The following FAP variants were observed in gnomAD, a reference collection of about 807,000 sequenced individuals.
FAP encodes the protein fibroblast activation protein alpha.
In FAP, 110 loss-of-function variants were observed where a neutral mutation model predicts 126.5. The observed-to-expected ratio is 0.87, with a 90% CI of 0.74 to 1.02. The LOEUF (loss-of-function observed/expected upper bound fraction) is 1.02. Among genes scored for constraint, FAP ranks in the 50% least tolerant of loss-of-function variants. The pLI, the probability that FAP is intolerant of heterozygous loss-of-function variation, is 0.00. For missense variants in FAP, 919 were observed against 909.2 expected, an observed-to-expected ratio of 1.01 and a Z score of -0.14; for synonymous variants, 334 against 297.3, an observed-to-expected ratio of 1.12 and a Z score of -1.27.
In FAP at chr2:162,213,968, C is replaced by T. The variant is rs751809640; in HGVS notation, c.972G>A (p.Arg324=). ...NVSVLSICDF[R]EDWQTWDCPK... ...GACAATCCCATGTCTGCCAGTCTTC[C>T]CTGAAGTCACATATAGACAGGACCG... The change falls in exon 11 of 26, where the codon AGG becomes AGA. Residue 324 remains arginine, a synonymous_variant. Coordinates refer to ENST00000188790, the MANE Select transcript of FAP (RefSeq NM_004460.5). 3.7e-6 allele frequency: 6 copies of T among 1,613,506 alleles called. No homozygotes were observed. In the African/African-American group the frequency reaches 4.0e-5, roughly 11 times the overall value.
In FAP at chr2:162,213,570, A is replaced by C. The variant is rs375529738; in HGVS notation, c.1002+368T>G. Among the ~76,000 whole-genome samples, 31 of 152,076 alleles carry C rather than the reference A, an allele frequency of 2.0e-4. No individual in the cohort carries two copies. The South Asian group carries it at 4.4e-3, about 21-fold the overall frequency. On this transcript the variant is annotated intron_variant, in intron 11 of 25. Coordinates refer to ENST00000188790, the MANE Select transcript of FAP (RefSeq NM_004460.5). ...TTGTTTAAAACATATATATTTATCT[A>C]GTAGACCCATGTTTCGGTTTCATCT...
At chr2:162,172,134 C>T (rs533425108) in intron 25 of FAP, 1 of 152,122 alleles carries the variant, frequency 6.6e-6, no homozygotes, top group East Asian at 1.9e-4. Context: ...TTTCGGGGTT[C>T]TTGTTCAACT....
chr2:162,236,379 ATTC>A (rs1690130117), intron 2 of FAP, among the ~76,000 whole-genome samples: 2 of 151,102 alleles, frequency 1.3e-5, no homozygotes, highest in East Asian at 1.9e-4. Flanking sequence ...ATTTGTGATA[ATTC>A]TTCTTTAAGT....
At chr2:162,213,374 C>CAA (rs113581622) in intron 11 of FAP, among the ~76,000 whole-genome samples, 19 of 89,620 alleles carry the variant, frequency 2.1e-4, no homozygotes, top group African/African-American at 7.7e-4. Context: ...GACGCCATCT[C>CAA]AAAAAAAAAA....
At chr2:162,227,487 A>C (rs1689704877) in intron 2 of FAP, among the ~76,000 whole-genome samples, 1 of 152,140 alleles carries the variant, frequency 6.6e-6, no homozygotes, top group South Asian at 2.1e-4. Flanking sequence ...CTTTTTTATC[A>C]ATATTGCCAT....
chr2:162,241,295 A>G (rs755064138), intron 2 of FAP, among the ~76,000 whole-genome samples: 68 of 152,308 alleles, frequency 4.5e-4, no homozygotes, highest in Non-Finnish European at 8.1e-4. Flanking sequence ...CTTTTATACT[A>G]TATATAGTTT....
At chr2:162,215,012 AC>A (rs1442600303) in intron 10 of FAP, among the ~76,000 whole-genome samples, 1 of 151,598 alleles carries the variant, frequency 6.6e-6, no homozygotes, top group Non-Finnish European at 1.5e-5. Context: ...TTCATCTGCC[AC>A]CTGTGGAGAA....
chr2:162,209,995 G>C lies in FAP; in HGVS notation c.1004C>G (p.Thr335Ser), dbSNP rs773989206. Residue 335 changes from threonine to serine, a missense_variant and splice_region_variant, in exon 12 of 26, where the codon ACC (threonine) becomes AGC (serine). By Grantham distance (58) the Thr-to-Ser change is moderately conservative. Coordinates refer to ENST00000188790, the MANE Select transcript of FAP (RefSeq NM_004460.5). Reference protein sequence around the residue: ...EDWQTWDCPKTQEHIEESRTG... With the variant: ...EDWQTWDCPKSQEHIEESRTG... ...TCTGCTTTCTTCTATATGCTCCTGG[G>C]TCTAAAAGACAAAAGATCACATCGA... 4 of 1,612,280 alleles carry C rather than the reference G, an allele frequency of 2.5e-6. No homozygotes were observed. In the South Asian group the frequency reaches 4.4e-5, roughly 18 times the overall value.
At chr2:162,177,420 C>A (rs550596140) in intron 21 of FAP, among the ~76,000 whole-genome samples, 47 of 152,170 alleles carry the variant, frequency 3.1e-4, no homozygotes, top group African/African-American at 9.6e-4. Context: ...TCACTTCTCC[C>A]CTTCCTTTCT....
rs1363082725 is a variant in FAP at position 162,174,888 on chromosome 2, C to A, written c.1948G>T (p.Val650Phe). The A allele has an allele frequency of 6.2e-7, 1 of 1,611,984 alleles. No individual in the cohort carries two copies. Among genetic ancestry groups the A allele is most frequent in the Non-Finnish European group, 8.5e-7 (1 of 1,178,552 alleles). The change falls in exon 22 of 26, where the codon GTC becomes TTC. Residue 650 changes from valine to phenylalanine, a missense_variant. Physicochemically the swap from Val to Phe is conservative, Grantham distance 50 (BLOSUM62 -1). Coordinates refer to ENST00000188790, the MANE Select transcript of FAP (RefSeq NM_004460.5). Reference protein sequence around the residue: ...LFKCGIAVAPVSSWEYYASVY... With the variant: ...LFKCGIAVAPFSSWEYYASVY... The stretch of plus-strand genomic sequence containing the variant: ...ATACCGTAATATTCCCAGCTGGAGA[C>A]TGGAGCCACTGCTATACCACATTTG...
At chr2:162,201,947 G>A (rs1392901810) in intron 14 of FAP, among the ~76,000 whole-genome samples, 1 of 152,126 alleles carries the variant, frequency 6.6e-6, no homozygotes, top group Non-Finnish European at 1.5e-5. Context: ...CTTTACTCTA[G>A]TGATTTTAAT....
At chr2:162,229,218 T>G (rs1689790958) in intron 2 of FAP, among the ~76,000 whole-genome samples, 1 of 152,172 alleles carries the variant, frequency 6.6e-6, no homozygotes, top group Admixed American at 6.5e-5. Flanking sequence ...CATAGAAGTC[T>G]AAATCAAGTG....
At chr2:162,224,877 A>G (rs1480341406) in intron 4 of FAP, among the ~76,000 whole-genome samples, 2 of 152,152 alleles carry the variant, frequency 1.3e-5, no homozygotes. Flanking sequence ...AAATGAGAGG[A>G]TTATTGATTG....
At chr2:162,200,719 C>A in intron 14 of FAP, 100 bp from the exon 15 acceptor site, 1 of 559,556 alleles carries the variant, frequency 1.8e-6, no homozygotes, top group Non-Finnish European at 3.1e-6. Context: ...AAGCATTTAT[C>A]TAATGAAACA....
chr2:162,170,858 A>C lies in FAP; in HGVS notation c.*121T>G, dbSNP rs1465819435. 2.8e-6 allele frequency: 2 copies of C among 702,332 alleles called. No homozygotes were observed. Among genetic ancestry groups the C allele is most frequent in the Non-Finnish European group, 4.8e-6 (2 of 415,340 alleles). The allele number at this position is 702,332 out of a possible 1,614,324, so 43.5% of individuals were successfully genotyped here. ...CATCTTTTTTTTAACAGCCTTTAGA[A>C]CAACATTAATTTGTTTGTTTATACT... is the stretch of plus-strand genomic sequence containing the variant. On this transcript the variant is annotated 3_prime_UTR_variant, in exon 26 of 26. Transcript: ENST00000188790.
At chr2:162,239,908 C>A (rs908309919) in intron 2 of FAP, among the ~76,000 whole-genome samples, 2 of 152,244 alleles carry the variant, frequency 1.3e-5, no homozygotes, top group East Asian at 3.9e-4. Flanking sequence ...AATTCTGCAA[C>A]CTCTGTAACT....
At chr2:162,173,894 G>T (rs1024442465) in intron 22 of FAP, 107 bp from the exon 23 acceptor site, 2 of 789,964 alleles carry the variant, frequency 2.5e-6, no homozygotes, top group Admixed American at 1.9e-5. Context: ...CCCATCTTGA[G>T]CTCTTGAGGT....
intron 16 of FAP, chr2:162,197,826 G>A (rs767006851): frequency 3.5e-5 from 12 of 345,012 alleles, no homozygotes; most frequent in South Asian, 2.7e-4. Flanking sequence ...CAAAACAGGA[G>A]GGTAGCATAC....
intron 12 of FAP, among the ~76,000 whole-genome samples, chr2:162,204,272 G>A (rs144172802): frequency 2.6e-5 from 4 of 152,248 alleles, no homozygotes; most frequent in East Asian, 1.9e-4. Context: ...TGATGCAACC[G>A]ATCATTATTT....
Sources: allele counts gnomAD v4.1 joint callset (sites outside exome capture counted in the v4.1 genomes callset), GRCh38; gene constraint gnomAD v4.1.1; transcripts MANE v1.5; gene names NCBI Gene and HGNC (gene_info 2026-07-23, HGNC 2026-07-21).